MS4A4E: variants seen among roughly 807,000 people sequenced by gnomAD.
MS4A4E encodes the protein membrane spanning 4-domains A4E.
A neutral mutation model predicts 13.3 loss-of-function variants in MS4A4E; 23 were observed. That is an observed-to-expected ratio of 1.73 (90% CI 1.25 to 2.45). The LOEUF (loss-of-function observed/expected upper bound fraction) is 2.45, where lower values mean the gene tolerates loss of function less well. Ranked by LOEUF, MS4A4E falls within the 30% of genes most tolerant of loss-of-function variation. The pLI is 0.00. For missense variants in MS4A4E, 144 were observed against 131.2 expected (o/e 1.10, Z -0.48); for synonymous variants, 36 against 45.6 (o/e 0.79, Z 0.85).
intron 2 of MS4A4E, among the ~76,000 whole-genome samples, 178 bp downstream of exon 2, chr11:60,229,734 C>T (rs1364960424): frequency 6.6e-6 from 1 of 151,972 alleles, no homozygotes; most frequent in Non-Finnish European, 1.5e-5. Context: ...AATTTGGAAG[C>T]AGGATGTGAT....
chr11:60,232,493 T>G (rs1435617381), intron 1 of MS4A4E, among the ~76,000 whole-genome samples: 2 of 152,182 alleles, frequency 1.3e-5, no homozygotes, highest in African/African-American at 4.8e-5. Context: ...GAACCAGCTC[T>G]GAGTCAGGAG....
intron 1 of MS4A4E, among the ~76,000 whole-genome samples, chr11:60,241,433 T>C (rs2084550159): frequency 6.6e-6 from 1 of 152,178 alleles, no homozygotes. Context: ...TAGTTCTCCC[T>C]CTGTGTTTAG....
intron 1 of MS4A4E, among the ~76,000 whole-genome samples, chr11:60,232,820 G>T (rs1323192493): frequency 6.6e-6 from 1 of 152,060 alleles, no homozygotes; most frequent in Admixed American, 6.5e-5. Context: ...ACTACACTAT[G>T]CACACGTGGA....
rs2084079538 is a variant in MS4A4E at position 60,208,645 on chromosome 11, G to A, written c.431C>T (p.Ala144Val). The change falls in exon 6 of 9, where the codon GCT becomes GTT. Residue 144 changes from alanine to valine, a missense_variant. Ala to Val is a moderately conservative substitution (Grantham distance 64, BLOSUM62 0). This residue lies in a region of MS4A4E where 21 missense variants were observed against 25.1 expected (regional missense o/e 0.84). Transcript: ENST00000651255. ...LLLSVLEFCI[A>V]VALSAFGCKV... ...ACATCCAAAGGCAGAGAGGGCCACA[G>A]CAATGCAGAATTCCAGCACACTTAA... The A allele has an allele frequency of 1.3e-6, 2 of 1,482,434 alleles. No homozygotes were observed. Among genetic ancestry groups the A allele is most frequent in the African/African-American group, 1.4e-5 (1 of 73,104 alleles). The allele number at this position is 1,482,434 out of a possible 1,614,324, so 91.8% of individuals were successfully genotyped here.
At chr11:60,201,940 G>T (rs1380152084) in intron 8 of MS4A4E, 61 bp from the exon 9 acceptor site, 1 of 157,580 alleles carries the variant, frequency 6.3e-6, no homozygotes, top group Non-Finnish European at 1.4e-5. Flanking sequence ...GAATAGGTTG[G>T]ACTACTTATA....
chr11:60,224,149 T>C (rs1348201296), intron 3 of MS4A4E, among the ~76,000 whole-genome samples: 3 of 152,200 alleles, frequency 2.0e-5, no homozygotes, highest in African/African-American at 2.4e-5. Context: ...AGGTAAGACT[T>C]GGTATTTTAT....
chr11:60,232,888 C>T (rs1423039728), intron 1 of MS4A4E, among the ~76,000 whole-genome samples: 1 of 152,166 alleles, frequency 6.6e-6, no homozygotes, highest in Non-Finnish European at 1.5e-5. Flanking sequence ...GCCAGGCTCC[C>T]ATGGAACTGC....
At chr11:60,208,206 TA>T (rs201627415) in intron 6 of MS4A4E, among the ~76,000 whole-genome samples, 4 of 152,242 alleles carry the variant, frequency 2.6e-5, no homozygotes, top group South Asian at 2.1e-4. Context: ...TTTCAGTTTA[TA>T]AAAAAACTCA....
intron 4 of MS4A4E, chr11:60,213,449 G>A (rs778070599): frequency 4.4e-5 from 29 of 664,526 alleles, no homozygotes; most frequent in South Asian, 6.1e-5. Context: ...TCTGGTGCCC[G>A]ATCTCTTATC....
intron 1 of MS4A4E, among the ~76,000 whole-genome samples, chr11:60,240,148 C>A (rs1322569137): frequency 6.6e-6 from 1 of 152,190 alleles, no homozygotes; most frequent in Admixed American, 6.5e-5. Context: ...GAGGCAAGAG[C>A]TAAAGGTAAC....
intron 1 of MS4A4E, among the ~76,000 whole-genome samples, chr11:60,235,025 A>G (rs934432116): frequency 1.3e-5 from 2 of 152,208 alleles, no homozygotes; most frequent in Non-Finnish European, 2.9e-5. Flanking sequence ...AGATAAAATA[A>G]ACTTCTAATC....
intron 3 of MS4A4E, among the ~76,000 whole-genome samples, chr11:60,226,250 C>T (rs1348475383): frequency 2.0e-5 from 3 of 151,394 alleles, no homozygotes; most frequent in African/African-American, 7.3e-5. Context: ...TTACAGAAAA[C>T]AGAAAAAGAG....
chr11:60,224,978 C>G (rs1354545289), intron 3 of MS4A4E: 1 of 1,526,082 alleles, frequency 6.6e-7, no homozygotes, highest in Admixed American at 2.0e-5. Flanking sequence ...CACTGACCCC[C>G]AAATTGTGTA....
chr11:60,203,332 G>A (rs1482880668), intron 8 of MS4A4E, among the ~76,000 whole-genome samples: 3 of 152,062 alleles, frequency 2.0e-5, no homozygotes, highest in Non-Finnish European at 4.4e-5. Flanking sequence ...AATACCTGTA[G>A]TCTTTGTAAG....
chr11:60,214,587 C>G lies in MS4A4E; in HGVS notation c.206G>C (p.Arg69Thr). ...ATTACTCACCAGACCTTTTGTTGTT[C>G]TAATTCCTGCTGCAACTGATAAGGA... The part of the protein sequence containing the change: ...SVSLSVAAGI[R>T]TTKGLVGGSL... The change falls in exon 4 of 9, where the codon AGA (arginine) becomes ACA (threonine). Residue 69 changes from arginine to threonine, a missense_variant. This residue lies in a region of MS4A4E where 119 missense variants were observed against 88.7 expected (regional missense o/e 1.34). Transcript: ENST00000651255. The G allele has an allele frequency of 6.5e-7, 1 of 1,532,682 alleles. No homozygotes were observed. Among genetic ancestry groups the G allele is most frequent in the East Asian group, 2.4e-5 (1 of 41,120 alleles). 94.9% of individuals were successfully genotyped at this position (1,532,682 alleles called of 1,614,324 possible). A position where few individuals can be genotyped will look rare whatever the true frequency, so the allele number is the denominator to read the frequency against.
chr11:60,226,719 A>G (rs2084349307), intron 3 of MS4A4E, among the ~76,000 whole-genome samples: 1 of 152,222 alleles, frequency 6.6e-6, no homozygotes, highest in African/African-American at 2.4e-5. Context: ...TCTCACTAAG[A>G]TCAGGACCAA....
intron 3 of MS4A4E, among the ~76,000 whole-genome samples, chr11:60,222,149 C>T (rs1364083951): frequency 6.6e-6 from 1 of 152,202 alleles, no homozygotes; most frequent in Non-Finnish European, 1.5e-5. Flanking sequence ...TTATATTAGA[C>T]CTCTTCCATC....
intron 1 of MS4A4E, among the ~76,000 whole-genome samples, chr11:60,232,602 C>T (rs897037616): frequency 5.8e-4 from 88 of 152,094 alleles, no homozygotes; most frequent in Non-Finnish European, 1.1e-3. Flanking sequence ...CACATAGAGT[C>T]TTTACAGGCT....
At chr11:60,227,571 A>G (rs572423085) in intron 3 of MS4A4E, among the ~76,000 whole-genome samples, 154 of 151,902 alleles carry the variant, frequency 1.0e-3, no homozygotes, top group Non-Finnish European at 1.8e-3. Flanking sequence ...TATATATATT[A>G]GCAAATTATT....
Sources: gnomAD v4.1 joint callset for allele counts (sites outside exome capture counted in the v4.1 genomes callset) on GRCh38, gnomAD v4.1.1 for gene constraint, gnomAD v4.1.1 regional missense constraint, MANE v1.5 for transcripts, NCBI Gene and HGNC (gene_info 2026-07-23, HGNC 2026-07-21) for gene names.